The following HIVEP3 variants were observed in gnomAD, a reference collection of about 807,000 sequenced individuals.
HIVEP3 encodes transcription factor HIVEP3.
In HIVEP3, 49 loss-of-function variants were observed where a neutral mutation model predicts 152.8. The observed-to-expected ratio is 0.32, with a 90% CI of 0.26 to 0.41. The LOEUF (loss-of-function observed/expected upper bound fraction) is 0.41, where lower values mean the gene tolerates loss of function less well. Among genes scored for constraint, HIVEP3 ranks in the 10% least tolerant of loss-of-function variants. The pLI, the probability that HIVEP3 is intolerant of heterozygous loss-of-function variation, is 1.00. For missense variants in HIVEP3, 2,790 were observed against 3,103.3 expected, an observed-to-expected ratio of 0.90 and a Z score of 2.40; for synonymous variants, 1,269 against 1,289.0, an observed-to-expected ratio of 0.98 and a Z score of 0.33.
chr1:41,691,076 T>A (rs912740929), intron 2 of HIVEP3, among the ~76,000 whole-genome samples: 2 of 152,236 alleles, frequency 1.3e-5, no homozygotes, highest in Non-Finnish European at 1.5e-5. Flanking sequence ...AGAGTCTATC[T>A]CATGGAGCTT....
At position 41,584,883 on chromosome 1, in the gene HIVEP3, C is replaced by G; in HGVS notation, c.-86G>C. 7.9e-7 allele frequency: 1 copy of G among 1,265,056 alleles called. No homozygotes were observed. Among genetic ancestry groups the G allele is most frequent in the Non-Finnish European group, 1.0e-6 (1 of 955,758 alleles). The allele number at this position is 1,265,056 out of a possible 1,614,324, so 78.4% of individuals were successfully genotyped here. ...TAATCCCAGTGTCCCAAGGAGGTGT[C>G]CAGCTTTGGCCACATTGGTCAAGAG... On this transcript the variant is annotated 5_prime_UTR_variant, in exon 4 of 9. Transcript: ENST00000372583. The surrounding 1 kb of genome is among the most constrained non-coding windows in gnomAD (Gnocchi z 5.2).
At chr1:41,556,744 C>T (rs994446207) in intron 5 of HIVEP3, among the ~76,000 whole-genome samples, 6 of 152,164 alleles carry the variant, frequency 3.9e-5, no homozygotes, top group Non-Finnish European at 7.4e-5. Context: ...TATGTTTTCT[C>T]CTAAGAGTTT....
At chr1:41,733,314 A>G (rs1008268907) in intron 1 of HIVEP3, among the ~76,000 whole-genome samples, 1 of 152,174 alleles carries the variant, frequency 6.6e-6, no homozygotes, top group Non-Finnish European at 1.5e-5. Flanking sequence ...CTGACAGCCA[A>G]TGTCCAACTC....
chr1:41,766,427 A>T (rs1372628999), intron 1 of HIVEP3, among the ~76,000 whole-genome samples: 2 of 152,242 alleles, frequency 1.3e-5, no homozygotes, highest in Non-Finnish European at 2.9e-5. Context: ...CAGTGTCATT[A>T]AACATAACAA....
intron 1 of HIVEP3, among the ~76,000 whole-genome samples, chr1:41,943,974 A>AG (rs1645061062): frequency 6.6e-6 from 1 of 152,236 alleles, no homozygotes; most frequent in Non-Finnish European, 1.5e-5. Flanking sequence ...GCTACTACAC[A>AG]GATGAACCTT....
chr1:41,839,365 G>A (rs1643218708), intron 1 of HIVEP3, among the ~76,000 whole-genome samples: 1 of 152,184 alleles, frequency 6.6e-6, no homozygotes, highest in Non-Finnish European at 1.5e-5. Context: ...GATTGCTGGG[G>A]TTCCTTCTGG....
At chr1:41,912,137 AG>A (rs1644805882) in intron 1 of HIVEP3, among the ~76,000 whole-genome samples, 2 of 152,218 alleles carry the variant, frequency 1.3e-5, no homozygotes, top group Non-Finnish European at 2.9e-5. Flanking sequence ...AGAAAAGCAT[AG>A]GGGAATAAAA....
intron 1 of HIVEP3, among the ~76,000 whole-genome samples, chr1:41,917,484 A>G (rs967688224): frequency 2.0e-5 from 3 of 152,168 alleles, no homozygotes; most frequent in African/African-American, 7.2e-5. Flanking sequence ...TCTTCCTGCA[A>G]CCACTGCCCC....
intron 2 of HIVEP3, among the ~76,000 whole-genome samples, chr1:41,642,418 C>T (rs551499128): frequency 6.6e-6 from 1 of 152,342 alleles, no homozygotes; most frequent in African/African-American, 2.4e-5. Flanking sequence ...TTTAACGTGG[C>T]TAAATCCAAC....
At chr1:41,851,809 C>T (rs1165557589) in intron 1 of HIVEP3, among the ~76,000 whole-genome samples, 3 of 152,174 alleles carry the variant, frequency 2.0e-5, no homozygotes, top group African/African-American at 7.2e-5. Flanking sequence ...CTTCTCAGCT[C>T]TGGTGTCCTT....
chr1:41,917,423 C>T (rs571245070), intron 1 of HIVEP3, among the ~76,000 whole-genome samples: 1 of 152,268 alleles, frequency 6.6e-6, no homozygotes, highest in Admixed American at 6.5e-5. Context: ...TCAGCGTATA[C>T]CAGAAAGAGG....
intron 5 of HIVEP3, among the ~76,000 whole-genome samples, chr1:41,552,094 T>C (rs558842814): frequency 6.6e-6 from 1 of 152,358 alleles, no homozygotes; most frequent in Admixed American, 6.5e-5. Context: ...TTTGTTCTCA[T>C]TGGTTTCAAA....
chr1:41,744,130 C>T (rs186988405), intron 1 of HIVEP3, among the ~76,000 whole-genome samples: 1 of 152,084 alleles, frequency 6.6e-6, no homozygotes, highest in Non-Finnish European at 1.5e-5. Flanking sequence ...ACCTCCGCCT[C>T]CAGGTTCAAG....
chr1:41,919,210 ACT>A (rs1286047495), upstream of HIVEP3, among the ~76,000 whole-genome samples: 1 of 141,654 alleles, frequency 7.1e-6, no homozygotes, highest in Non-Finnish European at 1.5e-5. Context: ...GCTTCTCAGT[ACT>A]AATTGGCACG....
intron 1 of HIVEP3, among the ~76,000 whole-genome samples, chr1:41,738,012 T>C (rs1003642449): frequency 2.0e-5 from 3 of 152,346 alleles, no homozygotes; most frequent in Admixed American, 1.3e-4. Context: ...GCCATGTCTA[T>C]AGAGGACCAT....
intron 1 of HIVEP3, among the ~76,000 whole-genome samples, chr1:41,948,859 C>A (rs1350667648): frequency 6.6e-6 from 1 of 152,060 alleles, no homozygotes; most frequent in African/African-American, 2.4e-5. Context: ...TAGTCAGGGC[C>A]TGTAAAGTGT....
At position 41,925,982 on chromosome 1, in the gene HIVEP3, A is replaced by G. The variant is rs1399850899; in HGVS notation, n.120-7458T>C. Among the ~76,000 whole-genome samples the G allele has an allele frequency of 8.5e-5, 13 of 152,270 alleles. No homozygotes were observed. The South Asian group carries it at 2.3e-3, about 27-fold the overall frequency. On this transcript the variant is annotated intron_variant and non_coding_transcript_variant, in intron 1 of 3. Coordinates refer to the HIVEP3 transcript ENST00000489103. ...CCCAGCCATACTCTTAAAGGGAAGG[A>G]TCATGCTTCCCTTCCTTTTTCCTTT...
chr1:41,613,583 G>GA (rs1365293719), intron 3 of HIVEP3, among the ~76,000 whole-genome samples: 1 of 151,880 alleles, frequency 6.6e-6, no homozygotes, highest in African/African-American at 2.4e-5. Context: ...AATTCCTTCT[G>GA]AAAAAAGGGG....
intron 2 of HIVEP3, among the ~76,000 whole-genome samples, chr1:41,634,600 C>CT (rs1645242535): frequency 6.6e-6 from 1 of 152,044 alleles, no homozygotes; most frequent in Non-Finnish European, 1.5e-5. Context: ...CAGCTATATG[C>CT]TGTTTGGAAA....
Sources: allele counts gnomAD v4.1 joint callset (sites outside exome capture counted in the v4.1 genomes callset), GRCh38; gene constraint gnomAD v4.1.1; non-coding constraint Gnocchi (gnomAD v3.1); transcripts MANE v1.5; gene names NCBI Gene and HGNC (gene_info 2026-07-23, HGNC 2026-07-21).